The following RBFOX1 variants were observed in gnomAD, a reference collection of about 807,000 sequenced individuals.
RBFOX1 encodes the protein RNA binding protein fox-1 homolog 1.
A neutral mutation model predicts 57.7 loss-of-function variants in RBFOX1; 8 were observed. The observed-to-expected ratio is 0.14, with a 90% confidence interval of 0.08 to 0.25. The LOEUF is 0.25. Ranked by LOEUF, RBFOX1 falls within the 10% of genes least tolerant of loss-of-function variation. The pLI is 1.00. For synonymous variants in RBFOX1, 326 were observed against 222.4 expected (o/e 1.47, Z -4.15); for missense variants, 611 against 548.5 (o/e 1.11, Z -1.14).
At chr16:7,271,295 T>G (rs950429413) in intron 4 of RBFOX1, among the ~76,000 whole-genome samples, 2 of 151,986 alleles carry the variant, frequency 1.3e-5, no homozygotes, top group Non-Finnish European at 1.5e-5. Context: ...ACAGGCATCT[T>G]CCTAGCTGCA....
intron 1 of RBFOX1, among the ~76,000 whole-genome samples, chr16:5,371,787 C>T (rs910057004): frequency 4.6e-5 from 7 of 151,942 alleles, no homozygotes; most frequent in African/African-American, 1.4e-4. Flanking sequence ...TGGGTTGCAC[C>T]TTGGCCCTGG....
intron 4 of RBFOX1, among the ~76,000 whole-genome samples, chr16:7,240,501 G>A (rs2094000209): frequency 6.6e-6 from 1 of 152,050 alleles, no homozygotes; most frequent in Admixed American, 6.6e-5. Context: ...TTATTGTATT[G>A]ATTTCTGTTT....
chr16:5,377,008 G>A (rs1287308747), intron 1 of RBFOX1, among the ~76,000 whole-genome samples: 2 of 150,910 alleles, frequency 1.3e-5, no homozygotes. Flanking sequence ...TAAACTACCT[G>A]TACTCGAATC....
chr16:5,628,324 T>C (rs2151297741), intron 3 of RBFOX1, among the ~76,000 whole-genome samples: 1 of 152,326 alleles, frequency 6.6e-6, no homozygotes, highest in East Asian at 1.9e-4. Context: ...TAAATTCTTT[T>C]TCTTTTTCTT....
chr16:6,805,553 C>A (rs181299120), intron 3 of RBFOX1, among the ~76,000 whole-genome samples: 3 of 149,934 alleles, frequency 2.0e-5, no homozygotes, highest in African/African-American at 7.6e-5. Context: ...TAAAAAAATT[C>A]TCACTTCAGT....
chr16:7,586,040 G>A (rs941019509), intron 6 of RBFOX1, among the ~76,000 whole-genome samples: 2 of 152,062 alleles, frequency 1.3e-5, no homozygotes, highest in East Asian at 1.9e-4. Flanking sequence ...AATCCAGAAT[G>A]CAGAAGTGAA....
intron 11 of RBFOX1, among the ~76,000 whole-genome samples, chr16:7,653,427 G>T (rs2065532702): frequency 6.6e-6 from 1 of 152,176 alleles, no homozygotes; most frequent in Admixed American, 6.5e-5. Context: ...GATCACTTGA[G>T]CCCTGGAAGT....
chr16:6,710,678 C>T (rs1793397666), intron 3 of RBFOX1, among the ~76,000 whole-genome samples: 1 of 152,224 alleles, frequency 6.6e-6, no homozygotes, highest in Non-Finnish European at 1.5e-5. Context: ...AACACACCTG[C>T]TGCAGTTTGG....
chr16:5,846,607 C>T (rs114130083), intron 3 of RBFOX1, among the ~76,000 whole-genome samples: 228 of 152,300 alleles, frequency 1.5e-3, no homozygotes, highest in African/African-American at 5.3e-3. Context: ...AGCTGAGACC[C>T]AACCCTGTCC....
intron 3 of RBFOX1, among the ~76,000 whole-genome samples, chr16:6,663,207 C>T (rs1237176883): frequency 6.6e-6 from 1 of 152,112 alleles, no homozygotes; most frequent in Non-Finnish European, 1.5e-5. Context: ...TAAGTCCTAT[C>T]CACATGACTT....
intron 1 of RBFOX1, among the ~76,000 whole-genome samples, chr16:6,033,045 C>A (rs1243039902): frequency 6.6e-6 from 1 of 151,982 alleles, no homozygotes; most frequent in Non-Finnish European, 1.5e-5. Context: ...TTGGGTATGG[C>A]CTTGTCGTTT....
At chr16:6,100,079 G>C (rs1597306164) in intron 1 of RBFOX1, among the ~76,000 whole-genome samples, 1 of 152,128 alleles carries the variant, frequency 6.6e-6, no homozygotes, top group Non-Finnish European at 1.5e-5. Context: ...GAATGTTGGG[G>C]ATGCTCTAAA....
At chr16:6,945,619 G>C (rs990464580) in intron 3 of RBFOX1, among the ~76,000 whole-genome samples, 2 of 152,000 alleles carry the variant, frequency 1.3e-5, no homozygotes, top group Non-Finnish European at 2.9e-5. Flanking sequence ...GGCTAGGCTC[G>C]GTGGCTCACG....
chr16:5,927,951 G>T (rs553928843), intron 4 of RBFOX1, among the ~76,000 whole-genome samples: 7 of 152,314 alleles, frequency 4.6e-5, no homozygotes, highest in Admixed American at 2.0e-4. Flanking sequence ...TGGGGCAGGA[G>T]CTGGAGGTTG....
At chr16:5,788,219 G>T (rs548458006) in intron 3 of RBFOX1, among the ~76,000 whole-genome samples, 2 of 152,130 alleles carry the variant, frequency 1.3e-5, no homozygotes, top group Non-Finnish European at 2.9e-5. Context: ...TATTTACCCT[G>T]GATGGAGAGA....
chr16:7,587,355 T>A, intron 7 of RBFOX1, 55 bp downstream of exon 7: 2 of 1,444,748 alleles, frequency 1.4e-6, no homozygotes, highest in South Asian at 3.3e-5. Context: ...ATGTTTGTTA[T>A]GAATAAGGGG....
intron 4 of RBFOX1, among the ~76,000 whole-genome samples, chr16:7,054,673 G>A (rs2051483655): frequency 6.6e-6 from 1 of 151,968 alleles, no homozygotes; most frequent in Admixed American, 6.6e-5. Flanking sequence ...AAGAAAATTA[G>A]AAATCTGTTT....
intron 3 of RBFOX1, among the ~76,000 whole-genome samples, chr16:6,999,216 A>ATTTTTTTTTTTTTTTTTTTTTT (rs374767232): frequency 1.8e-5 from 2 of 109,032 alleles, no homozygotes; most frequent in African/African-American, 6.8e-5. Flanking sequence ...ATTTTTATTT[A>ATTTTTTTTTTTTTTTTTTTTTT]TTTTTTTTAT....
At chr16:7,169,960 C>G (rs1201458067) in intron 4 of RBFOX1, among the ~76,000 whole-genome samples, 1 of 152,034 alleles carries the variant, frequency 6.6e-6, no homozygotes, top group Admixed American at 6.6e-5. Context: ...GTGGTCCCAG[C>G]TACTTGGGAG....
Sources: allele counts gnomAD v4.1 joint callset (sites outside exome capture counted in the v4.1 genomes callset), GRCh38; gene constraint gnomAD v4.1.1; transcripts MANE v1.5; gene names NCBI Gene and HGNC (gene_info 2026-07-23, HGNC 2026-07-21).